Variants in CDH19 observed in about 807,000 individuals in gnomAD.
CDH19 encodes the protein cadherin 19.
A neutral mutation model predicts 64.2 loss-of-function variants in CDH19; 67 were observed. The observed-to-expected ratio is 1.04, with a 90% CI of 0.86 to 1.28. The LOEUF is 1.28. Ranked by LOEUF, CDH19 falls within the 50% of genes most tolerant of loss-of-function variation. CDH19 has a pLI of 0.00. For missense variants in CDH19, 1,030 were observed against 929.0 expected (o/e 1.11, Z -1.41); for synonymous variants, 346 against 319.3 (o/e 1.08, Z -0.89).
Position 66,529,964 on chromosome 18 carries a change from T to A in CDH19, c.1339A>T (p.Asn447Tyr), listed in dbSNP as rs747751602. ...NLSITATEKYNIEQISSIPLY... is the reference protein window; with the variant it reads ...NLSITATEKYYIEQISSIPLY... ...GGGATCGAAGAGATCTGTTCTATAT[T>A]GTCTGCAATTTGAATATATATAATA... The change falls in exon 9 of 12, where the codon AAT (asparagine) becomes TAT (tyrosine). Residue 447 changes from asparagine (N) to tyrosine (Y), a missense_variant and splice_region_variant. By Grantham distance (143) the Asn-to-Tyr change is moderately radical (BLOSUM62 -2). Coordinates refer to ENST00000262150, the MANE Select transcript of CDH19 (RefSeq NM_021153.4). 39 of 1,472,350 alleles carry A rather than the reference T, an allele frequency of 2.6e-5. No homozygotes were observed. The highest frequency in any genetic ancestry group is 1.2e-4 in the Admixed American group (6 of 49,142). 91.2% of individuals were successfully genotyped at this position (1,472,350 alleles called of 1,614,324 possible).
At chr18:66,519,775 AC>A (rs1425366669) in intron 9 of CDH19, among the ~76,000 whole-genome samples, 2 of 152,208 alleles carry the variant, frequency 1.3e-5, no homozygotes, top group Non-Finnish European at 2.9e-5. Context: ...CATAAAAAGA[AC>A]AACACTTATT....
At chr18:66,603,759 T>C (rs764949044) in intron 1 of CDH19, among the ~76,000 whole-genome samples, 195 bp downstream of exon 1, 1 of 152,122 alleles carries the variant, frequency 6.6e-6, no homozygotes, top group Non-Finnish European at 1.5e-5. Context: ...AAATACGTGT[T>C]TTGAGAAAGT....
At chr18:66,568,748 T>A in intron 2 of CDH19, 38 bp from the exon 3 acceptor site, 1 of 1,492,492 alleles carries the variant, frequency 6.7e-7, no homozygotes, top group Admixed American at 2.1e-5. Flanking sequence ...TTTCCAAACA[T>A]CTGAAATGGA....
At position 66,564,589 on chromosome 18, in the gene CDH19, G is replaced by C. The variant is rs567263600; in HGVS notation, c.490+3827C>G. Among the ~76,000 whole-genome samples, 8 of 151,972 alleles carry C rather than the reference G, an allele frequency of 5.3e-5. No homozygotes were observed. The South Asian group carries it at 1.7e-3, about 31-fold the overall frequency. ...TTGCTTTTATTAGGCAGAAATATGT[G>C]AAACTAAATTTTAAGGAAGTCAGAT... is the stretch of plus-strand genomic sequence containing the variant. On this transcript the variant is annotated intron_variant, in intron 3 of 11. Transcript: ENST00000262150.
At chr18:66,521,790 G>A (rs1985998133) in intron 9 of CDH19, among the ~76,000 whole-genome samples, 1 of 151,848 alleles carries the variant, frequency 6.6e-6, no homozygotes, top group Admixed American at 6.6e-5. Flanking sequence ...CTTGAGTGCT[G>A]CTCTTACTTC....
At chr18:66,552,264 T>C (rs575697993) in intron 4 of CDH19, among the ~76,000 whole-genome samples, 1 of 152,086 alleles carries the variant, frequency 6.6e-6, no homozygotes, top group South Asian at 2.1e-4. Flanking sequence ...GACATATGAG[T>C]ATAAAATGCA....
rs771273522 is a variant in CDH19, at chr18:66,551,180, A to G, written c.689T>C (p.Ile230Thr). ...TCCAGACAACGCTCCTGGCTGACCA[A>G]TCATGTCCTTGGCTTGAATGATTAC... ...YWVIIQAKDM[I>T]GQPGALSGTT... Residue 230 changes from isoleucine (I) to threonine (T), a missense_variant, in exon 5 of 12, where the codon ATT (isoleucine) becomes ACT (threonine). Coordinates refer to ENST00000262150, the MANE Select transcript of CDH19 (RefSeq NM_021153.4). 6.2e-7 allele frequency: 1 copy of G among 1,603,388 alleles called. No individual in the cohort carries two copies.
At chr18:66,557,721 TTG>T (rs1987569520) in intron 3 of CDH19, among the ~76,000 whole-genome samples, 1 of 151,936 alleles carries the variant, frequency 6.6e-6, no homozygotes, top group Non-Finnish European at 1.5e-5. Flanking sequence ...CTTACATTTT[TTG>T]TGTGTGAGAA....
Position 66,568,652 on chromosome 18 carries a change from C to A in CDH19, c.254G>T (p.Gly85Val), listed in dbSNP as rs1291484021. The A allele has an allele frequency of 1.2e-6, 2 of 1,611,256 alleles. No homozygotes were observed. Among genetic ancestry groups the A allele is most frequent in the Non-Finnish European group, 1.7e-6 (2 of 1,178,598 alleles). The change falls in exon 3 of 12, where the codon GGA becomes GTA. Residue 85 changes from glycine to valine, a missense_variant. Gly to Val is a moderately radical substitution (Grantham distance 109, BLOSUM62 -3). Transcript: ENST00000262150. The stretch of plus-strand genomic sequence containing the variant: ...ATCAATGATAAAAGTACTTCCAGCT[C>A]CAGCTCCCAAAAGCTTGTACTGGAA... Reference protein sequence around the residue: ...NSFQYKLLGAGAGSTFIIDER... With the variant: ...NSFQYKLLGAVAGSTFIIDER...
At chr18:66,523,810 T>G (rs141963295) in intron 9 of CDH19, among the ~76,000 whole-genome samples, 121 of 148,396 alleles carry the variant, frequency 8.2e-4, no homozygotes, top group African/African-American at 2.9e-3. Flanking sequence ...GTACTGGATC[T>G]AGGAAGAGAA....
At chr18:66,571,271 C>A (rs1988093603) in intron 2 of CDH19, among the ~76,000 whole-genome samples, 1 of 151,574 alleles carries the variant, frequency 6.6e-6, no homozygotes, top group Non-Finnish European at 1.5e-5. Flanking sequence ...CCTGAAAGGG[C>A]TAGAAAATGA....
chr18:66,509,061 C>T lies in CDH19; in HGVS notation c.1762G>A (p.Val588Met), dbSNP rs750051171. The change falls in exon 11 of 12, where the codon GTG becomes ATG. Residue 588 changes from valine (V) to methionine (M), a missense_variant. Transcript: ENST00000262150. ...TCTGTCTTGAATCCCATGGAAAGCA[C>T]AAGCTCCTGGTACTGGCAGGTCTGT... ...STQTCQYQEL[V>M]LSMGFKTEVI... is the part of the protein sequence containing the mutation. The T allele has an allele frequency of 4.3e-6, 7 of 1,612,866 alleles. No individual in the cohort carries two copies. The highest frequency in any genetic ancestry group is 5.9e-6 in the Non-Finnish European group (7 of 1,179,228).
At chr18:66,536,842 CAT>C (rs1158458943) in intron 7 of CDH19, among the ~76,000 whole-genome samples, 4 of 151,520 alleles carry the variant, frequency 2.6e-5, no homozygotes, top group Non-Finnish European at 4.4e-5. Context: ...ATGTAAAATA[CAT>C]ATATATATTT....
At chr18:66,566,672 G>T (rs1454989095) in intron 3 of CDH19, among the ~76,000 whole-genome samples, 5 of 151,748 alleles carry the variant, frequency 3.3e-5, no homozygotes, top group African/African-American at 1.2e-4. Context: ...CTTAATCTTA[G>T]CCTCACAGCA....
chr18:66,569,159 T>A (rs898672090), intron 2 of CDH19, among the ~76,000 whole-genome samples: 1 of 151,610 alleles, frequency 6.6e-6, no homozygotes, highest in African/African-American at 2.4e-5. Flanking sequence ...CAAGAAAATA[T>A]TAGGATGAAA....
intron 1 of CDH19, among the ~76,000 whole-genome samples, chr18:66,598,327 A>G (rs1208574976): frequency 6.6e-6 from 1 of 152,164 alleles, no homozygotes; most frequent in Admixed American, 6.5e-5. Flanking sequence ...CAATCCTAGT[A>G]GTGGATTATT....
In CDH19 at chr18:66,577,520, A is replaced by C. The variant is rs139127420; in HGVS notation, c.-112-5204T>G. Among the ~76,000 whole-genome samples the C allele has an allele frequency of 3.9e-5, 6 of 152,166 alleles. No homozygotes were observed. In the East Asian group the frequency reaches 1.2e-3, roughly 29 times the overall value. On this transcript the variant is annotated intron_variant, in intron 1 of 11. Transcript: ENST00000262150. The stretch of plus-strand genomic sequence containing the variant: ...TAAAACACCTGAGTATTCACTTGAG[A>C]AAAAGATACTTTCATCCATACTTTA...
intron 7 of CDH19, among the ~76,000 whole-genome samples, chr18:66,542,792 G>C (rs1228418677): frequency 1.3e-5 from 2 of 151,986 alleles, no homozygotes; most frequent in Admixed American, 6.6e-5. Context: ...CATGAATCCT[G>C]TTGTGAACTG....
At chr18:66,536,196 G>C (rs1986663467) in intron 7 of CDH19, among the ~76,000 whole-genome samples, 1 of 151,534 alleles carries the variant, frequency 6.6e-6, no homozygotes, top group African/African-American at 2.4e-5. Flanking sequence ...TGAAGACTTT[G>C]ATGAGATATC....
Sources: allele counts gnomAD v4.1 joint callset (sites outside exome capture counted in the v4.1 genomes callset), GRCh38; gene constraint gnomAD v4.1.1; transcripts MANE v1.5; gene names NCBI Gene and HGNC (gene_info 2026-07-23, HGNC 2026-07-21).